The following CPAMD8 variants were observed in gnomAD, a reference collection of about 807,000 sequenced individuals.
The protein encoded by CPAMD8 is C3 and PZP like alpha-2-macroglobulin domain containing 8.
CPAMD8 carries 146 observed loss-of-function variants against 224.7 expected under a neutral mutation model. The observed-to-expected ratio is 0.65, with a 90% CI of 0.57 to 0.75. CPAMD8 has a LOEUF of 0.75. Ranked by LOEUF, CPAMD8 falls within the 30% of genes least tolerant of loss-of-function variation. The probability of loss-of-function intolerance (pLI) is 0.00; values close to 1 mark genes in which losing one functional copy is unlikely to be tolerated. For missense variants in CPAMD8, 2,301 were observed against 2,537.5 expected (o/e 0.91, Z 2.00); for synonymous variants, 966 against 1,044.6 (o/e 0.92, Z 1.45).
intron 5 of CPAMD8, among the ~76,000 whole-genome samples, chr19:17,010,838 C>A (rs112075949): frequency 0.044 from 6,653 of 152,032 alleles, 159 homozygotes; most frequent in Middle Eastern, 0.071. Context: ...GCCTGGCCAA[C>A]ATGGTGAAAC....
intron 41 of CPAMD8, 54 bp from the exon 42 acceptor site, chr19:16,893,393 C>T (rs1312886627): frequency 5.1e-5 from 65 of 1,283,546 alleles, no homozygotes; most frequent in Non-Finnish European, 6.8e-5. Context: ...GGCACGGGGC[C>T]TCGGGCTGAG....
intron 3 of CPAMD8, among the ~76,000 whole-genome samples, chr19:17,014,395 C>T (rs1369076428): frequency 6.6e-6 from 1 of 152,004 alleles, no homozygotes; most frequent in Admixed American, 6.6e-5. Context: ...GGGCAGAACG[C>T]CCTGGCATGT....
At chr19:17,002,996 T>G (rs912446384) in intron 8 of CPAMD8, among the ~76,000 whole-genome samples, 10 of 150,828 alleles carry the variant, frequency 6.6e-5, no homozygotes, top group African/African-American at 2.2e-4. Context: ...CTCCTCCTCC[T>G]GGTTCAAGCA....
At chr19:16,950,364 G>C (rs149179827) in intron 20 of CPAMD8, among the ~76,000 whole-genome samples, 197 of 152,210 alleles carry the variant, frequency 1.3e-3, no homozygotes, top group Non-Finnish European at 2.3e-3. Flanking sequence ...AGCTGCAGAA[G>C]TACATGCCCC....
chr19:17,002,616 C>T (rs1023572368), intron 8 of CPAMD8: 16 of 315,684 alleles, frequency 5.1e-5, no homozygotes, highest in Non-Finnish European at 9.0e-5. Flanking sequence ...TGGCGGATTC[C>T]AGCCTATCCC....
At chr19:16,967,654 C>G (rs964332418) in intron 18 of CPAMD8, among the ~76,000 whole-genome samples, 1 of 151,366 alleles carries the variant, frequency 6.6e-6, no homozygotes, top group East Asian at 2.0e-4. Context: ...AAAAATACAA[C>G]AAAAATTAGC....
At chr19:17,002,971 T>C (rs867565428) in intron 8 of CPAMD8, among the ~76,000 whole-genome samples, 2 of 151,552 alleles carry the variant, frequency 1.3e-5, no homozygotes, top group Admixed American at 1.3e-4. Flanking sequence ...TGGCACGATC[T>C]TGGCTCACTG....
At chr19:16,985,390 T>G (rs2055682224) in intron 13 of CPAMD8, among the ~76,000 whole-genome samples, 1 of 110,140 alleles carries the variant, frequency 9.1e-6, no homozygotes, top group Non-Finnish European at 1.8e-5. Flanking sequence ...GTAAGTGTAG[T>G]GGGTGGATGG....
intron 26 of CPAMD8, 59 bp from the exon 27 acceptor site, chr19:16,922,045 C>T: frequency 8.5e-7 from 1 of 1,179,162 alleles, no homozygotes; most frequent in Non-Finnish European, 1.2e-6. Context: ...GGCCCGCCCC[C>T]AGGGACCTAC....
At chr19:16,903,988 A>AGGTATGGCCAAGGCAGG in intron 32 of CPAMD8, 131 bp from the exon 33 acceptor site, 1 of 984,138 alleles carries the variant, frequency 1.0e-6, no homozygotes, top group Middle Eastern at 3.0e-4. Flanking sequence ...CCCAGTGCAG[A>AGGTATGGCCAAGGCAGG]CACCCATGGC....
intron 29 of CPAMD8, among the ~76,000 whole-genome samples, chr19:16,911,419 T>C (rs1288519692): frequency 6.6e-6 from 1 of 151,848 alleles, no homozygotes; most frequent in African/African-American, 2.4e-5. Context: ...TGGAGTGCAG[T>C]GGCACGAGCT....
Position 16,902,864 on chromosome 19 carries a change from CT to C in CPAMD8, c.4471-2del, listed in dbSNP as rs1010407981. 2 of 1,521,498 alleles carry C rather than the reference CT, an allele frequency of 1.3e-6. No homozygotes were observed. Among genetic ancestry groups the C allele is most frequent in the Non-Finnish European group, 8.8e-7 (1 of 1,131,336 alleles). 94.2% of individuals were successfully genotyped at this position (1,521,498 alleles called of 1,614,324 possible). On this transcript the variant is annotated splice_acceptor_variant, in intron 34 of 41. Coordinates refer to ENST00000443236, the MANE Select transcript of CPAMD8 (RefSeq NM_015692.5). LOFTEE classifies it high-confidence loss of function. ...CAGGCACATTGTAGGTGACATCAAT[CT>C]GGGGGGTGTTGGAGGATGGAGGCTT... is the stretch of plus-strand genomic sequence containing the variant.
At chr19:16,987,167 AAAAAAAAAAAAAATATATAT>A (rs1217337876) in intron 13 of CPAMD8, among the ~76,000 whole-genome samples, 4 of 96,520 alleles carry the variant, frequency 4.1e-5, no homozygotes, top group African/African-American at 2.0e-4. Flanking sequence ...AAAAAAAAAA[AAAAAAAAAAAAAATATATAT>A]ATATATATAT....
intron 22 of CPAMD8, among the ~76,000 whole-genome samples, chr19:16,944,109 T>C (rs954805394): frequency 2.0e-5 from 3 of 152,106 alleles, no homozygotes; most frequent in Non-Finnish European, 2.9e-5. Context: ...CGTGCACAGA[T>C]GATGATTCCC....
chr19:17,019,207 T>TCCGTCCCATGGGTTGAGG (rs1396410060), intron 3 of CPAMD8, among the ~76,000 whole-genome samples: 4 of 152,038 alleles, frequency 2.6e-5, no homozygotes, highest in African/African-American at 9.7e-5. Context: ...CACTGCAACC[T>TCCGTCCCATGGGTTGAGG]CCGTCCCATG....
chr19:16,901,443 C>T, intron 35 of CPAMD8, 146 bp from the exon 36 acceptor site: 2 of 672,300 alleles, frequency 3.0e-6, no homozygotes, highest in Non-Finnish European at 5.4e-6. Context: ...GCACACACAT[C>T]CTTGGCTCGG....
At chr19:16,927,141 G>C (rs114509500) in intron 25 of CPAMD8, among the ~76,000 whole-genome samples, 2,557 of 152,026 alleles carry the variant, frequency 0.017, 71 homozygotes, top group African/African-American at 0.058. Flanking sequence ...TGGATTGGCT[G>C]TGTCCCCAAC....
chr19:16,909,412 C>T (rs1032716125), intron 29 of CPAMD8, among the ~76,000 whole-genome samples: 2 of 151,972 alleles, frequency 1.3e-5, no homozygotes, highest in Non-Finnish European at 2.9e-5. Flanking sequence ...GGCGTGGTGG[C>T]GAGCGCCTGT....
intron 27 of CPAMD8, among the ~76,000 whole-genome samples, chr19:16,921,299 T>A (rs922897735): frequency 6.6e-6 from 1 of 151,964 alleles, no homozygotes; most frequent in Non-Finnish European, 1.5e-5. Flanking sequence ...AGGGTGGCAA[T>A]CTCCGAGAAG....
Sources: allele counts gnomAD v4.1 joint callset (sites outside exome capture counted in the v4.1 genomes callset), GRCh38; gene constraint gnomAD v4.1.1; transcripts MANE v1.5; gene names NCBI Gene and HGNC (gene_info 2026-07-23, HGNC 2026-07-21).